MARCHF7: variants seen among roughly 807,000 people sequenced by gnomAD.
The protein encoded by MARCHF7 is membrane associated ring-CH-type finger 7, also known as E3 ubiquitin-protein ligase MARCHF7.
Under a neutral mutation model 76.5 loss-of-function variants are expected in MARCHF7, and 20 were observed. That is an observed-to-expected ratio of 0.26 (90% CI 0.18 to 0.38). The LOEUF (loss-of-function observed/expected upper bound fraction) is 0.38. MARCHF7 is among the 10% of genes least tolerant of loss of function. The pLI is 1.00. For missense variants in MARCHF7, 797 were observed against 812.9 expected (o/e 0.98, Z 0.24); for synonymous variants, 295 against 293.0 (o/e 1.01, Z -0.07).
At chr2:159,727,464 T>C (rs1702302318) in intron 3 of MARCHF7, among the ~76,000 whole-genome samples, 1 of 152,162 alleles carries the variant, frequency 6.6e-6, no homozygotes, top group Non-Finnish European at 1.5e-5. Flanking sequence ...GGCGGGAGCC[T>C]GTAGTCCCAG....
chr2:159,732,219 C>G (rs1462362075), intron 4 of MARCHF7, among the ~76,000 whole-genome samples: 1 of 152,048 alleles, frequency 6.6e-6, no homozygotes, highest in East Asian at 1.9e-4. Flanking sequence ...TCATTCTGTT[C>G]CAAAATTTTC....
chr2:159,759,432 A>AAAT (rs748108242), intron 9 of MARCHF7, 97 bp downstream of exon 9: 1 of 537,894 alleles, frequency 1.9e-6, no homozygotes, highest in Non-Finnish European at 3.3e-6. Context: ...CCTTGCATTA[A>AAAT]AATAATAATA....
At chr2:159,750,056 A>G (rs2125618247) in intron 7 of MARCHF7, among the ~76,000 whole-genome samples, 1 of 152,334 alleles carries the variant, frequency 6.6e-6, no homozygotes, top group East Asian at 1.9e-4. Context: ...GTCCAAGTAT[A>G]TACTGAATAT....
chr2:159,756,237 C>T (rs1330622266), intron 8 of MARCHF7, among the ~76,000 whole-genome samples: 1 of 152,148 alleles, frequency 6.6e-6, no homozygotes, highest in Non-Finnish European at 1.5e-5. Flanking sequence ...ACAGATAATA[C>T]AGGTTATTGT....
intron 8 of MARCHF7, among the ~76,000 whole-genome samples, chr2:159,753,844 G>T (rs1244558710): frequency 6.6e-6 from 1 of 152,100 alleles, no homozygotes; most frequent in East Asian, 1.9e-4. Context: ...GGTATATTTT[G>T]TAGGTAGGTT....
chr2:159,730,629 TTA>T (rs1182223343), intron 4 of MARCHF7, among the ~76,000 whole-genome samples: 1 of 152,196 alleles, frequency 6.6e-6, no homozygotes, highest in Non-Finnish European at 1.5e-5. Context: ...CTAGACAAGT[TTA>T]TGATTCCTAG....
At chr2:159,728,927 T>G in intron 3 of MARCHF7, 82 bp from the exon 4 acceptor site, 1 of 757,456 alleles carries the variant, frequency 1.3e-6, no homozygotes, top group Non-Finnish European at 2.0e-6. Context: ...ATTTTTTATT[T>G]GAGCTGATGA....
intron 3 of MARCHF7, among the ~76,000 whole-genome samples, chr2:159,728,592 G>A (rs1702430976): frequency 6.6e-6 from 1 of 152,152 alleles, no homozygotes; most frequent in Non-Finnish European, 1.5e-5. Context: ...GACTTTCCAG[G>A]CACATATAAA....
At chr2:159,736,889 C>T (rs1574299024) in intron 4 of MARCHF7, among the ~76,000 whole-genome samples, 1 of 152,180 alleles carries the variant, frequency 6.6e-6, no homozygotes, top group East Asian at 1.9e-4. Context: ...TATAGTATTT[C>T]AGCTACTTTG....
chr2:159,715,435 C>G (rs1687984889), intron 2 of MARCHF7, among the ~76,000 whole-genome samples: 1 of 152,122 alleles, frequency 6.6e-6, no homozygotes, highest in Non-Finnish European at 1.5e-5. Context: ...CAGCCGCAGT[C>G]TCCCAGACTC....
chr2:159,735,518 A>T (rs1268222592), intron 4 of MARCHF7, among the ~76,000 whole-genome samples: 2 of 152,202 alleles, frequency 1.3e-5, no homozygotes, highest in Non-Finnish European at 2.9e-5. Flanking sequence ...GCAACCATTA[A>T]TCTACTTTAT....
chr2:159,770,963 C>G lies in MARCHF7; in HGVS notation c.*3621C>G, dbSNP rs1574480735. On this transcript the variant is annotated 3_prime_UTR_variant, in exon 12 of 12. Coordinates refer to ENST00000409175, the MANE Select transcript of MARCHF7 (RefSeq NM_001282805.2). ...TTCAGCTTTTTCATTTTTTTACTCC[C>G]CAAATGATTTTCACCTTTTTCTTAA... 6.6e-6 allele frequency: 1 copy of G among 151,996 alleles called. No homozygotes were observed. 9.4% of individuals were successfully genotyped at this position (151,996 alleles called of 1,614,324 possible). A position where few individuals can be genotyped will look rare whatever the true frequency, so the allele number is the denominator to read the frequency against.
chr2:159,764,822 G>T (rs549934571), intron 11 of MARCHF7, 148 bp downstream of exon 11: 2 of 429,556 alleles, frequency 4.7e-6, no homozygotes, highest in South Asian at 1.6e-4. Context: ...GGAAATATGG[G>T]TTGGGAAACT....
chr2:159,712,765 C>T (rs10173538), intron 1 of MARCHF7, 159 bp downstream of exon 1: 60,885 of 152,258 alleles, frequency 0.4, 12,690 homozygotes, highest in African/African-American at 0.5. Flanking sequence ...GACGCGGAGG[C>T]CGCTTCCTCT....
intron 3 of MARCHF7, among the ~76,000 whole-genome samples, chr2:159,719,461 G>A (rs1473506970): frequency 6.7e-6 from 1 of 148,264 alleles, no homozygotes; most frequent in African/African-American, 2.5e-5. Context: ...TATTATAATT[G>A]CCTCCCTTCC....
chr2:159,734,199 A>G (rs1465240182), intron 4 of MARCHF7: 1 of 857,550 alleles, frequency 1.2e-6, no homozygotes, highest in Non-Finnish European at 1.6e-6. Context: ...ACTTTAAGGA[A>G]GCACTAATCT....
Position 159,748,192 on chromosome 2 carries a change from A to C in MARCHF7, c.902A>C (p.Gln301Pro). The C allele has an allele frequency of 3.7e-6, 6 of 1,613,712 alleles. No individual in the cohort carries two copies. Among genetic ancestry groups the C allele is most frequent in the Non-Finnish European group, 5.1e-6 (6 of 1,179,908 alleles). ...ACTTTTTTTTCACGAAGATCTAGTCAGGATTCCTTGAATACAAGATCATTG... is the reference window on the plus strand; with the variant it reads ...ACTTTTTTTTCACGAAGATCTAGTCCGGATTCCTTGAATACAAGATCATTG... ...SSTFFSRRSS[Q>P]DSLNTRSLNS... The change falls in exon 7 of 12, where the codon CAG (glutamine) becomes CCG (proline). Residue 301 changes from glutamine (Q) to proline (P), a missense_variant. Around this residue, in one of 3 missense-constraint regions of MARCHF7, gnomAD observed 643 missense variants for 631.5 expected, o/e 1.02. Coordinates refer to ENST00000409175, the MANE Select transcript of MARCHF7 (RefSeq NM_001282805.2).
At chr2:159,742,823 G>A (rs1244370209) in intron 4 of MARCHF7, among the ~76,000 whole-genome samples, 1 of 152,140 alleles carries the variant, frequency 6.6e-6, no homozygotes, top group Admixed American at 6.5e-5. Flanking sequence ...TGTAATGCCA[G>A]CTACTCAGGA....
In MARCHF7 at chr2:159,747,878, G is replaced by T. The variant is rs529370077; in HGVS notation, c.588G>T (p.Leu196Phe). 6.2e-7 allele frequency: 1 copy of T among 1,614,044 alleles called. No individual in the cohort carries two copies. The highest frequency in any genetic ancestry group is 1.3e-5 in the African/African-American group (1 of 75,036). Residue 196 changes from leucine to phenylalanine, a missense_variant, in exon 7 of 12, where the codon TTG (leucine) becomes TTT (phenylalanine). Leu to Phe is a conservative substitution (Grantham distance 22). Around this residue, in one of 3 missense-constraint regions of MARCHF7, gnomAD observed 643 missense variants for 631.5 expected, o/e 1.02. Coordinates refer to ENST00000409175, the MANE Select transcript of MARCHF7 (RefSeq NM_001282805.2). ...AAAACTCAATGAGCACTTTACAGTT[G>T]AATACATCATCCACAAACCACCAAT... ...PKENSMSTLQ[L>F]NTSSTNHQLP...
Sources: gnomAD v4.1 joint callset for allele counts (sites outside exome capture counted in the v4.1 genomes callset) on GRCh38, gnomAD v4.1.1 for gene constraint, gnomAD v4.1.1 regional missense constraint, MANE v1.5 for transcripts, NCBI Gene and HGNC (gene_info 2026-07-23, HGNC 2026-07-21) for gene names.